Variants in PCDH15 observed in about 807,000 individuals in gnomAD.
The protein encoded by PCDH15 is protocadherin related 15.
A neutral mutation model predicts 178.5 loss-of-function variants in PCDH15; 129 were observed. The observed-to-expected ratio is 0.72, with a 90% CI of 0.63 to 0.84. The LOEUF (loss-of-function observed/expected upper bound fraction) is 0.84, where lower values mean the gene tolerates loss of function less well. Ranked by LOEUF, PCDH15 falls within the 40% of genes least tolerant of loss-of-function variation. The pLI is 0.00. For synonymous variants in PCDH15, 800 were observed against 732.0 expected, an observed-to-expected ratio of 1.09 and a Z score of -1.50; for missense variants, 2,230 against 2,099.9, an observed-to-expected ratio of 1.06 and a Z score of -1.21.
At chr10:55,405,625 C>T (rs1838181064) in intron 2 of PCDH15, among the ~76,000 whole-genome samples, 1 of 151,482 alleles carries the variant, frequency 6.6e-6, no homozygotes, top group Non-Finnish European at 1.5e-5. Context: ...GAATGATATG[C>T]ACTTCAAAGA....
At chr10:55,112,966 A>C (rs1397424276) in intron 2 of PCDH15, among the ~76,000 whole-genome samples, 2 of 152,124 alleles carry the variant, frequency 1.3e-5, no homozygotes, top group South Asian at 2.1e-4. Context: ...TGCTTAAAAA[A>C]CTTTTGCTGC....
chr10:54,555,772 GA>G (rs2087165806), intron 2 of PCDH15, among the ~76,000 whole-genome samples: 1 of 135,980 alleles, frequency 7.4e-6, no homozygotes, highest in Non-Finnish European at 1.6e-5. Flanking sequence ...AAAGAAAAAA[GA>G]AAAAGGAAAA....
intron 2 of PCDH15, among the ~76,000 whole-genome samples, chr10:54,652,294 G>T (rs1230914593): frequency 2.0e-5 from 3 of 152,106 alleles, no homozygotes; most frequent in Non-Finnish European, 2.9e-5. Context: ...CTGAGACTCA[G>T]CTGGAGTCTC....
At position 54,036,879 on chromosome 10, in the gene PCDH15, T is replaced by C. The variant is rs568201484; in HGVS notation, c.2221-13682A>G. Among the ~76,000 whole-genome samples the C allele has an allele frequency of 2.6e-5, 4 of 152,060 alleles. No individual in the cohort carries two copies. In the South Asian group the frequency reaches 8.3e-4, roughly 31 times the overall value. The stretch of plus-strand genomic sequence containing the variant: ...ATTCTAGATGCCAATAGCAACATTT[T>C]TGATTCATGGAAGGAGGTAAAAATA... On this transcript the variant is annotated intron_variant, in intron 18 of 37. Coordinates refer to ENST00000644397, the MANE Select transcript of PCDH15 (RefSeq NM_001384140.1).
intron 3 of PCDH15, among the ~76,000 whole-genome samples, chr10:54,806,976 G>A (rs1447881509): frequency 6.6e-6 from 1 of 152,084 alleles, no homozygotes; most frequent in African/African-American, 2.4e-5. Context: ...CAACGTAATC[G>A]CAGGACTGAT....
chr10:53,987,849 G>T (rs2091213183), intron 21 of PCDH15, among the ~76,000 whole-genome samples: 1 of 152,068 alleles, frequency 6.6e-6, no homozygotes, highest in Non-Finnish European at 1.5e-5. Context: ...TTACTAGCAG[G>T]TTTCCCTTCC....
intron 2 of PCDH15, among the ~76,000 whole-genome samples, chr10:55,430,126 C>T (rs1271071315): frequency 2.6e-5 from 4 of 151,902 alleles, no homozygotes; most frequent in South Asian, 2.1e-4. Flanking sequence ...CTTATCTCTA[C>T]AAAAAATAAA....
chr10:54,524,876 A>T (rs2083227638), intron 3 of PCDH15, among the ~76,000 whole-genome samples: 1 of 152,208 alleles, frequency 6.6e-6, no homozygotes, highest in Non-Finnish European at 1.5e-5. Context: ...GCCCAAGATG[A>T]TGTAATGAAT....
In PCDH15 at chr10:53,932,335, G is replaced by C. The variant is rs941877664; in HGVS notation, c.3373+6480C>G. Among the ~76,000 whole-genome samples the C allele has an allele frequency of 2.6e-5, 4 of 152,174 alleles. No individual in the cohort carries two copies. The South Asian group carries it at 6.2e-4, about 24-fold the overall frequency. On this transcript the variant is annotated intron_variant, in intron 25 of 37. Transcript: ENST00000644397. ...GTTTGGGTATAATTATGCAGGCAAA[G>C]AACAGTCACAGGCTCTTTGCCTGCA...
At chr10:54,235,824 C>G (rs1379535243) in intron 9 of PCDH15, among the ~76,000 whole-genome samples, 1 of 152,150 alleles carries the variant, frequency 6.6e-6, no homozygotes, top group East Asian at 1.9e-4. Context: ...ACACCAAGAT[C>G]TCTATAGACT....
chr10:53,889,291 A>G (rs748716654), intron 26 of PCDH15, among the ~76,000 whole-genome samples: 1 of 152,108 alleles, frequency 6.6e-6, no homozygotes, highest in Non-Finnish European at 1.5e-5. Flanking sequence ...GAGACGATAT[A>G]TCCAATACAT....
chr10:54,162,692 G>T lies in PCDH15; in HGVS notation c.1591-9399C>A, dbSNP rs532419621. ...CTTGAGAACTCTACTGGGATCATTT[G>T]GGGTTAATGTCTCCTTATGACATGC... On this transcript the variant is annotated intron_variant, in intron 13 of 37. Coordinates refer to ENST00000644397, the MANE Select transcript of PCDH15 (RefSeq NM_001384140.1). Among the ~76,000 whole-genome samples, 3 of 152,220 alleles carry T rather than the reference G, an allele frequency of 2.0e-5. No homozygotes were observed. The South Asian group carries it at 6.2e-4, about 32-fold the overall frequency.
intron 2 of PCDH15, among the ~76,000 whole-genome samples, chr10:54,656,793 G>A (rs2094413809): frequency 6.6e-6 from 1 of 152,170 alleles, no homozygotes; most frequent in Admixed American, 6.5e-5. Flanking sequence ...AGGAAATGTA[G>A]TGTGACACAG....
Position 54,756,056 on chromosome 10 carries a change from A to AACACACACACACACACAC in PCDH15, c.-29+44851_-29+44868dup, listed in dbSNP as rs71014414. ...TGGTGAAACCCCCGTCTCTACTAAA[A>AACACACACACACACACAC]ACACACACACACACACACACACACA... On this transcript the variant is annotated intron_variant, in intron 1 of 37. Transcript: ENST00000644397. Among the ~76,000 whole-genome samples, 267 of 71,630 alleles carry AACACACACACACACACAC rather than the reference A, an allele frequency of 3.7e-3. 1 individual carries two copies. Among genetic ancestry groups the AACACACACACACACACAC allele is most frequent in the East Asian group, 6.1e-3 (17 of 2,794 alleles). The allele number at this position is 71,630 out of a possible 152,430, so 47.0% of individuals were successfully genotyped here.
chr10:55,280,257 G>A (rs887879807), intron 1 of PCDH15, among the ~76,000 whole-genome samples: 3 of 139,432 alleles, frequency 2.2e-5, no homozygotes, highest in Admixed American at 2.1e-4. Flanking sequence ...AAAGGATGGG[G>A]TTATTTTGAT....
chr10:54,139,572 A>G (rs894620433), intron 14 of PCDH15, among the ~76,000 whole-genome samples: 8 of 152,148 alleles, frequency 5.3e-5, no homozygotes, highest in African/African-American at 9.6e-5. Context: ...GTAAAATGCT[A>G]ATATCTGATA....
intron 2 of PCDH15, among the ~76,000 whole-genome samples, chr10:55,548,743 G>A (rs1016169520): frequency 9.2e-5 from 14 of 152,128 alleles, no homozygotes; most frequent in African/African-American, 3.1e-4. Flanking sequence ...AGGGTCAGGA[G>A]ATAAGATAAA....
chr10:54,160,198 G>T (rs2045570905), intron 13 of PCDH15, among the ~76,000 whole-genome samples: 1 of 151,968 alleles, frequency 6.6e-6, no homozygotes, highest in South Asian at 2.1e-4. Context: ...AACAAGCTGG[G>T]GACAGAGTAG....
chr10:55,233,787 AT>A (rs1184905626), intron 1 of PCDH15, among the ~76,000 whole-genome samples: 1 of 152,130 alleles, frequency 6.6e-6, no homozygotes, highest in Non-Finnish European at 1.5e-5. Flanking sequence ...AAGCAACATA[AT>A]TATTTCCTTT....
Sources: allele counts gnomAD v4.1 joint callset (sites outside exome capture counted in the v4.1 genomes callset), GRCh38; gene constraint gnomAD v4.1.1; transcripts MANE v1.5; gene names NCBI Gene and HGNC (gene_info 2026-07-23, HGNC 2026-07-21).